Variants in PLXNA2 observed in about 807,000 individuals in gnomAD.
PLXNA2 encodes the protein plexin A2, also known as plexin-A2.
A neutral mutation model predicts 193.5 loss-of-function variants in PLXNA2; 91 were observed. That is an observed-to-expected ratio of 0.47 (90% CI 0.40 to 0.56). The LOEUF is 0.56. PLXNA2 is among the 20% of genes least tolerant of loss of function. The pLI is 0.00. For synonymous variants in PLXNA2, 997 were observed against 1,027.3 expected, an observed-to-expected ratio of 0.97 and a Z score of 0.56; for missense variants, 1,995 against 2,503.2, an observed-to-expected ratio of 0.80 and a Z score of 4.33.
intron 26 of PLXNA2, among the ~76,000 whole-genome samples, chr1:208,035,905 T>C (rs1293337356): frequency 2.6e-5 from 4 of 152,222 alleles, no homozygotes; most frequent in Admixed American, 2.6e-4. Context: ...TTACCCTCCC[T>C]ATAAATCTGC....
intron 3 of PLXNA2, among the ~76,000 whole-genome samples, chr1:208,152,954 T>C (rs1347544349): frequency 6.6e-6 from 1 of 151,788 alleles, no homozygotes; most frequent in African/African-American, 2.4e-5. Context: ...GGAACTCCCA[T>C]AGCACCTAGA....
chr1:208,108,934 A>G (rs1169761588), intron 4 of PLXNA2, among the ~76,000 whole-genome samples: 1 of 152,324 alleles, frequency 6.6e-6, no homozygotes, highest in East Asian at 1.9e-4. Context: ...AGAGACACAG[A>G]GGGATGAAAG....
intron 5 of PLXNA2, 55 bp downstream of exon 5, chr1:208,103,092 G>A (rs954215801): frequency 3.8e-5 from 46 of 1,218,030 alleles, no homozygotes; most frequent in South Asian, 2.5e-4. Flanking sequence ...CATCATTCCC[G>A]GAAAGCCCCG....
intron 1 of PLXNA2, among the ~76,000 whole-genome samples, chr1:208,235,206 C>A (rs1279834697): frequency 6.6e-6 from 1 of 152,216 alleles, no homozygotes; most frequent in African/African-American, 2.4e-5. Flanking sequence ...GGTCTCCTTG[C>A]AGGGCCACTA....
chr1:208,146,329 A>C (rs556344836), intron 3 of PLXNA2, among the ~76,000 whole-genome samples: 2 of 152,328 alleles, frequency 1.3e-5, no homozygotes, highest in East Asian at 3.9e-4. Context: ...GGAAGAAGCA[A>C]TCTGCTTGGT....
chr1:208,203,409 G>C (rs369753333), intron 3 of PLXNA2, among the ~76,000 whole-genome samples: 6 of 152,254 alleles, frequency 3.9e-5, no homozygotes, highest in African/African-American at 1.4e-4. Context: ...TCAGATGGGC[G>C]GTCTCAGGTC....
In PLXNA2 at chr1:208,170,503, G is replaced by C. The variant is rs140430064; in HGVS notation, c.1372-28040C>G. ...AGGCAGGGGAGCAGGAGGCCCTGTG[G>C]GGCTGGATGCCTGCCAGAGCCGGGG... On this transcript the variant is annotated intron_variant, in intron 3 of 31. Transcript: ENST00000367033. 3.1e-3 allele frequency among the ~76,000 whole-genome samples: 479 copies of C among 152,310 alleles called. 1 individual carries two copies. The highest frequency in any genetic ancestry group is 0.011 in the African/African-American group (451 of 41,574).
At chr1:208,029,768 G>A (rs1378103870) in intron 29 of PLXNA2, 13 of 985,506 alleles carry the variant, frequency 1.3e-5, no homozygotes, top group African/African-American at 1.7e-5. Flanking sequence ...TATAACCAGA[G>A]GAGAATGAGT....
chr1:208,167,386 A>G (rs889207931), intron 3 of PLXNA2, among the ~76,000 whole-genome samples: 4 of 152,188 alleles, frequency 2.6e-5, no homozygotes, highest in African/African-American at 9.7e-5. Context: ...TGCAGCTGCC[A>G]TTCCCTGGAG....
At chr1:208,039,055 T>C in intron 24 of PLXNA2, 71 bp from the exon 25 acceptor site, 1 of 1,388,780 alleles carries the variant, frequency 7.2e-7, no homozygotes, top group Non-Finnish European at 9.9e-7. Flanking sequence ...GGTCAGGACC[T>C]CAGAATCTTC....
At position 208,084,476 on chromosome 1, in the gene PLXNA2, C is replaced by T. The variant is rs375446068; in HGVS notation, c.2202G>A (p.Gln734=). ...ARNLPQPQSG[Q]RGYECVLNIQ... is the part of the protein sequence containing the mutation. ...TGTTGAGGACACACTCATAGCCTCG[C>T]TGGCCGGACTGCGGCTGGGGCAGAT... Residue 734 remains glutamine (Q), a synonymous_variant, in exon 10 of 32, where the codon CAG becomes CAA. Transcript: ENST00000367033. 5.6e-6 allele frequency: 9 copies of T among 1,614,164 alleles called. No homozygotes were observed. In the African/African-American group the frequency reaches 9.3e-5, roughly 17 times the overall value.
At position 208,210,348 on chromosome 1, in the gene PLXNA2, C is replaced by T. The variant is rs1670897021; in HGVS notation, c.1303G>A (p.Val435Met). 1 of 1,613,934 alleles carries T rather than the reference C, an allele frequency of 6.2e-7. No homozygotes were observed. Among genetic ancestry groups the T allele is most frequent in the African/African-American group, 1.3e-5 (1 of 74,882 alleles). The change falls in exon 3 of 32, where the codon GTG (valine) becomes ATG (methionine). Residue 435 changes from valine to methionine, a missense_variant. By Grantham distance (21) the Val-to-Met change is conservative. Transcript: ENST00000367033. ...TAGCCGTTGTAAACGTAGGAGGCCA[C>T]AGAGGTCATGCGGTCCCTGCTGGTG... The part of the protein sequence containing the change: ...YTTSRDRMTS[V>M]ASYVYNGYSV...
Position 208,202,774 on chromosome 1 carries a change from A to G in PLXNA2, c.1371+7506T>C, listed in dbSNP as rs565861576. 2.0e-5 allele frequency among the ~76,000 whole-genome samples: 3 copies of G among 152,304 alleles called. No homozygotes were observed. The East Asian group carries it at 5.8e-4, about 29-fold the overall frequency. Reference sequence around the variant, plus strand: ...ATCATTACGCCCATCCCACCCATCCATAAAACACAGTTCTCTGTGTTTCAC... The same window carrying G: ...ATCATTACGCCCATCCCACCCATCCGTAAAACACAGTTCTCTGTGTTTCAC... On this transcript the variant is annotated intron_variant, in intron 3 of 31. Coordinates refer to ENST00000367033, the MANE Select transcript of PLXNA2 (RefSeq NM_025179.4).
intron 23 of PLXNA2, 89 bp downstream of exon 23, chr1:208,039,903 G>T (rs936991246): frequency 1.3e-6 from 2 of 1,578,168 alleles, no homozygotes; most frequent in African/African-American, 2.7e-5. Context: ...TCCCGAGGGA[G>T]GGGGTCCCCA....
intron 29 of PLXNA2, chr1:208,031,215 C>T (rs1664491953): frequency 9.5e-7 from 1 of 1,056,166 alleles, no homozygotes; most frequent in Admixed American, 4.9e-5. Context: ...CGATGTCTGG[C>T]TGTGAAGCTC....
At chr1:208,188,465 T>G (rs915658408) in intron 3 of PLXNA2, among the ~76,000 whole-genome samples, 1 of 152,118 alleles carries the variant, frequency 6.6e-6, no homozygotes, top group Non-Finnish European at 1.5e-5. Context: ...TCCCAGCACT[T>G]TGGGAGGCCA....
chr1:208,098,711 TATAAAC>T (rs1415846503), intron 6 of PLXNA2, 129 bp downstream of exon 6: 14 of 1,015,700 alleles, frequency 1.4e-5, no homozygotes, highest in African/African-American at 3.2e-5. Context: ...ATACGTTTGC[TATAAAC>T]ATAAAGTCTC....
intron 4 of PLXNA2, among the ~76,000 whole-genome samples, chr1:208,107,509 C>T (rs979639392): frequency 3.3e-5 from 5 of 152,134 alleles, no homozygotes; most frequent in Admixed American, 6.5e-5. Context: ...TTCAAGCCTC[C>T]GCAGTCAGGA....
intron 9 of PLXNA2, among the ~76,000 whole-genome samples, chr1:208,085,387 G>A (rs976521254): frequency 6.6e-6 from 1 of 152,204 alleles, no homozygotes; most frequent in Non-Finnish European, 1.5e-5. Context: ...GGAATCACTA[G>A]GGGAATTCTC....
Sources: allele counts gnomAD v4.1 joint callset (sites outside exome capture counted in the v4.1 genomes callset), GRCh38; gene constraint gnomAD v4.1.1; transcripts MANE v1.5; gene names NCBI Gene and HGNC (gene_info 2026-07-23, HGNC 2026-07-21).